Variants in JAKMIP1 observed in about 807,000 individuals in gnomAD.
The protein encoded by JAKMIP1 is janus kinase and microtubule-interacting protein 1.
JAKMIP1 carries 33 observed loss-of-function variants against 113.0 expected under a neutral mutation model. That is an observed-to-expected ratio of 0.29 (90% CI 0.22 to 0.39). The LOEUF is 0.39. JAKMIP1 is among the 10% of genes least tolerant of loss of function. JAKMIP1 has a pLI of 1.00. For synonymous variants in JAKMIP1, 480 were observed against 459.9 expected (o/e 1.04, Z -0.56); for missense variants, 813 against 1,080.5 (o/e 0.75, Z 3.47).
intron 11 of JAKMIP1, among the ~76,000 whole-genome samples, chr4:6,056,968 G>A (rs552644668): frequency 2.6e-5 from 4 of 152,220 alleles, no homozygotes; most frequent in South Asian, 4.2e-4. Context: ...TCTCCACTTC[G>A]TTCACATTCC....
chr4:6,124,060 C>T (rs1004938824), intron 1 of JAKMIP1, among the ~76,000 whole-genome samples: 15 of 152,320 alleles, frequency 9.8e-5, no homozygotes, highest in African/African-American at 3.4e-4. Context: ...AGAGAGGACC[C>T]GGAATGAGGA....
In JAKMIP1 at chr4:6,199,176, G is replaced by T. The variant is rs1384293649; in HGVS notation, c.-148+1077C>A. Among the ~76,000 whole-genome samples the T allele has an allele frequency of 6.6e-6, 1 of 152,262 alleles. No individual in the cohort carries two copies. Among genetic ancestry groups the T allele is most frequent in the African/African-American group, 2.4e-5 (1 of 41,484 alleles). ...AAGGACAGTGTGCCTGCGAGTGTGC[G>T]CAGATGGGGCGGGCGGCGGAGGAGG... On this transcript the variant is annotated intron_variant, in intron 1 of 20. Transcript: ENST00000409021. This position sits in a 1 kb window ranked among gnomAD's most constrained non-coding sequence, Gnocchi z 5.6.
intron 19 of JAKMIP1, among the ~76,000 whole-genome samples, chr4:6,033,001 C>T (rs964868627): frequency 6.6e-6 from 1 of 152,260 alleles, no homozygotes; most frequent in Non-Finnish European, 1.5e-5. Flanking sequence ...ACCAGTGCTA[C>T]TGAACCCTCA....
At chr4:6,100,556 T>C (rs1371204418) in intron 3 of JAKMIP1, among the ~76,000 whole-genome samples, 1 of 152,246 alleles carries the variant, frequency 6.6e-6, no homozygotes, top group Non-Finnish European at 1.5e-5. Context: ...CAAATCTTTA[T>C]ATAGATATGT....
At chr4:6,083,718 A>C (rs1225603930) in intron 5 of JAKMIP1, among the ~76,000 whole-genome samples, 1 of 152,096 alleles carries the variant, frequency 6.6e-6, no homozygotes, top group South Asian at 2.1e-4. Flanking sequence ...ATTTTTTTCA[A>C]ATATTCTGTG....
At chr4:6,111,197 G>A (rs1316930006) in intron 2 of JAKMIP1, among the ~76,000 whole-genome samples, 3 of 152,228 alleles carry the variant, frequency 2.0e-5, no homozygotes, top group African/African-American at 7.2e-5. Flanking sequence ...TTGGCGACCT[G>A]AGTCCCAGCT....
chr4:6,041,402 C>A (rs1408871631), intron 17 of JAKMIP1, among the ~76,000 whole-genome samples: 1 of 152,152 alleles, frequency 6.6e-6, no homozygotes, highest in Non-Finnish European at 1.5e-5. Context: ...AGGGCTCTTG[C>A]CACACCACAC....
At chr4:6,134,053 C>G (rs913732385) in intron 1 of JAKMIP1, among the ~76,000 whole-genome samples, 7 of 152,182 alleles carry the variant, frequency 4.6e-5, no homozygotes, top group Admixed American at 1.3e-4. Flanking sequence ...TCCCCCTGAT[C>G]CCCAGGTCGA....
At chr4:6,104,135 C>T (rs6832327) in intron 3 of JAKMIP1, among the ~76,000 whole-genome samples, 149,796 of 152,340 alleles carry the variant, frequency 0.98, 73,697 homozygotes, top group Middle Eastern at 1. Flanking sequence ...TTTTGAAATG[C>T]GGTCTACAAT....
chr4:6,029,714 A>G lies in JAKMIP1; in HGVS notation c.2445+2T>C. On this transcript the variant is annotated splice_donor_variant, in intron 20 of 20. Coordinates refer to ENST00000409021, the MANE Select transcript of JAKMIP1 (RefSeq NM_001099433.2). LOFTEE classifies it high-confidence loss of function. ...GGGACAGTCTGAGCTGCAGTCACCT[A>G]CCTTTTCCTCCAGTTCTTTCAGGTG... The G allele has an allele frequency of 6.3e-7, 1 of 1,594,644 alleles. No homozygotes were observed. Among genetic ancestry groups the G allele is most frequent in the Non-Finnish European group, 8.6e-7 (1 of 1,168,104 alleles).
In JAKMIP1 at chr4:6,200,059, C is replaced by A. The variant is rs1239562215; in HGVS notation, c.-148+194G>T. Among the ~76,000 whole-genome samples, 12 of 147,170 alleles carry A rather than the reference C, an allele frequency of 8.2e-5. No individual in the cohort carries two copies. Among genetic ancestry groups the A allele is most frequent in the Admixed American group, 3.4e-4 (5 of 14,864 alleles). ...GGATGGGTATGGAAGGGTGGGGGAC[C>A]ACTGAGGTGGGATGCGAGAGTGGAA... is the stretch of plus-strand genomic sequence containing the variant. On this transcript the variant is annotated intron_variant, in intron 1 of 20. Coordinates refer to ENST00000409021, the MANE Select transcript of JAKMIP1 (RefSeq NM_001099433.2). This position sits in a 1 kb window ranked among gnomAD's most constrained non-coding sequence, Gnocchi z 7.0.
At chr4:6,128,952 C>T (rs1192236283) in intron 1 of JAKMIP1, among the ~76,000 whole-genome samples, 1 of 152,242 alleles carries the variant, frequency 6.6e-6, no homozygotes, top group Non-Finnish European at 1.5e-5. Flanking sequence ...CTTGCCCGGC[C>T]CCTGGCCGTC....
chr4:6,038,878 G>A (rs77524801), intron 18 of JAKMIP1, among the ~76,000 whole-genome samples: 16,790 of 152,224 alleles, frequency 0.11, 1,115 homozygotes, highest in African/African-American at 0.18. Flanking sequence ...CTCGATTCTG[G>A]AAATCCCGTT....
chr4:6,095,724 G>C (rs1711622294), intron 3 of JAKMIP1, among the ~76,000 whole-genome samples: 1 of 152,154 alleles, frequency 6.6e-6, no homozygotes, highest in Non-Finnish European at 1.5e-5. Flanking sequence ...TAGACTCCTG[G>C]AAGTGGAATT....
rs534380966 is a variant in JAKMIP1, at chr4:6,137,361, G to A, written c.-147-24364C>T. On this transcript the variant is annotated intron_variant, in intron 1 of 20. Coordinates refer to ENST00000409021, the MANE Select transcript of JAKMIP1 (RefSeq NM_001099433.2). This position sits in a 1 kb window ranked among gnomAD's most constrained non-coding sequence, Gnocchi z 4.5. ...CCTAACAGACGGATCAGCTTTAGAC[G>A]GCACTGTTCCCGTACCTTCGCTGGG... Among the ~76,000 whole-genome samples the A allele has an allele frequency of 1.3e-5, 2 of 152,348 alleles. No homozygotes were observed. The highest frequency in any genetic ancestry group is 2.9e-5 in the Non-Finnish European group (2 of 68,036).
rs996461033 is a variant in JAKMIP1, at chr4:6,193,058, G to A, written c.-148+7195C>T. 6.6e-6 allele frequency among the ~76,000 whole-genome samples: 1 copy of A among 152,308 alleles called. No individual in the cohort carries two copies. Among genetic ancestry groups the A allele is most frequent in the African/African-American group, 2.4e-5 (1 of 41,572 alleles). On this transcript the variant is annotated intron_variant, in intron 1 of 20. Transcript: ENST00000409021. The surrounding 1 kb of genome is among the most constrained non-coding windows in gnomAD (Gnocchi z 6.4). Reference sequence around the variant, plus strand: ...GGGCACCATCTAATCGGCTGCCAGCGTGGCTAGAATAAAGCAGGCAGGAGA... The same window carrying A: ...GGGCACCATCTAATCGGCTGCCAGCATGGCTAGAATAAAGCAGGCAGGAGA...
chr4:6,048,885 G>T lies in JAKMIP1; in HGVS notation c.2000C>A (p.Ala667Asp). The change falls in exon 16 of 21, where the codon GCT becomes GAT. Residue 667 changes from alanine (A) to aspartate (D), a missense_variant. Physicochemically the swap from Ala to Asp is moderately radical, Grantham distance 126. Coordinates refer to ENST00000409021, the MANE Select transcript of JAKMIP1 (RefSeq NM_001099433.2). ...TTCACACAGGGCAAGCACAGTTCCAGCTTGGATTATTGCAACCTGTTCTTC... is the reference window on the plus strand; with the variant it reads ...TTCACACAGGGCAAGCACAGTTCCATCTTGGATTATTGCAACCTGTTCTTC... ...RNEEQVAIIQ[A>D]GTVLALCEKW... 1.9e-6 allele frequency: 3 copies of T among 1,613,994 alleles called. No individual in the cohort carries two copies. Among genetic ancestry groups the T allele is most frequent in the Non-Finnish European group, 2.5e-6 (3 of 1,179,874 alleles).
chr4:6,081,810 G>C lies in JAKMIP1; in HGVS notation c.955-55C>G. 6.2e-7 allele frequency: 1 copy of C among 1,607,432 alleles called. No individual in the cohort carries two copies. Among genetic ancestry groups the C allele is most frequent in the Non-Finnish European group, 8.5e-7 (1 of 1,175,732 alleles). Reference sequence around the variant, plus strand: ...GACAACTTGACGACGGACGGCCGAGGTCACAGCACCGAGGTGAGCAGAGAC... The same window carrying C: ...GACAACTTGACGACGGACGGCCGAGCTCACAGCACCGAGGTGAGCAGAGAC... On this transcript the variant is annotated intron_variant, in intron 5 of 20. Transcript: ENST00000409021. This position sits in a 1 kb window ranked among gnomAD's most constrained non-coding sequence, Gnocchi z 4.6.
In JAKMIP1 at chr4:6,076,921, T is replaced by C. The variant is rs1413643018; in HGVS notation, c.1302+2018A>G. ...CTGTCACATGAGGCCAGGTGTGAAA[T>C]TTCCCTGGCCTCATGTTGGTGCTGA... is the stretch of plus-strand genomic sequence containing the variant. On this transcript the variant is annotated intron_variant, in intron 8 of 20. Transcript: ENST00000409021. The surrounding 1 kb of genome is among the most constrained non-coding windows in gnomAD (Gnocchi z 4.8). Among the ~76,000 whole-genome samples the C allele has an allele frequency of 1.3e-5, 2 of 152,170 alleles. No individual in the cohort carries two copies. Among genetic ancestry groups the C allele is most frequent in the African/African-American group, 2.4e-5 (1 of 41,454 alleles).
Sources: allele counts gnomAD v4.1 joint callset (sites outside exome capture counted in the v4.1 genomes callset), GRCh38; gene constraint gnomAD v4.1.1; non-coding constraint Gnocchi (gnomAD v3.1); transcripts MANE v1.5; gene names NCBI Gene and HGNC (gene_info 2026-07-23, HGNC 2026-07-21).